The following NKAIN3 variants were observed in gnomAD, a reference collection of about 807,000 sequenced individuals.
NKAIN3 encodes the protein sodium/potassium transporting ATPase interacting 3.
NKAIN3 carries 25 observed loss-of-function variants against 30.2 expected under a neutral mutation model. That is an observed-to-expected ratio of 0.83 (90% CI 0.60 to 1.16). The LOEUF (loss-of-function observed/expected upper bound fraction) is 1.16. Ranked by LOEUF, NKAIN3 falls within the 50% of genes most tolerant of loss-of-function variation. NKAIN3 has a pLI of 0.00. For missense variants in NKAIN3, 225 were observed against 254.1 expected, an observed-to-expected ratio of 0.89 and a Z score of 0.78; for synonymous variants, 91 against 89.6, an observed-to-expected ratio of 1.02 and a Z score of -0.09.
chr8:62,682,057 A>G (rs928925824), intron 3 of NKAIN3, among the ~76,000 whole-genome samples: 1 of 152,154 alleles, frequency 6.6e-6, no homozygotes, highest in African/African-American at 2.4e-5. Context: ...TTGCTCCAAG[A>G]ACTACTGCAG....
intron 1 of NKAIN3, among the ~76,000 whole-genome samples, chr8:62,381,240 T>G (rs535532053): frequency 1.4e-4 from 22 of 152,092 alleles, no homozygotes; most frequent in Non-Finnish European, 3.1e-4. Context: ...TAGTTAAAAT[T>G]TTTACCTGTT....
intron 1 of NKAIN3, among the ~76,000 whole-genome samples, chr8:62,417,716 C>T (rs531353125): frequency 1.0e-3 from 154 of 152,188 alleles, no homozygotes; most frequent in Non-Finnish European, 1.4e-3. Context: ...ATTTCTTTGA[C>T]GATCAATGAT....
chr8:62,797,400 A>G (rs1817895748), intron 4 of NKAIN3, among the ~76,000 whole-genome samples: 1 of 152,228 alleles, frequency 6.6e-6, no homozygotes, highest in African/African-American at 2.4e-5. Context: ...TGATTCTACC[A>G]AAATCTTGCA....
intron 4 of NKAIN3, among the ~76,000 whole-genome samples, chr8:62,913,627 C>T (rs1204898162): frequency 6.6e-6 from 1 of 152,102 alleles, no homozygotes; most frequent in Non-Finnish European, 1.5e-5. Context: ...CTAATGTTCA[C>T]AAAATTTCAA....
chr8:62,342,631 T>A (rs1815790756), intron 1 of NKAIN3, among the ~76,000 whole-genome samples: 1 of 152,080 alleles, frequency 6.6e-6, no homozygotes. Context: ...GCTCTTGATG[T>A]TTCTCATCTT....
chr8:62,809,918 A>G (rs558393808), intron 4 of NKAIN3, among the ~76,000 whole-genome samples: 9 of 152,184 alleles, frequency 5.9e-5, no homozygotes, highest in African/African-American at 1.9e-4. Flanking sequence ...TAATCCCCTC[A>G]CTTATTTTTA....
At chr8:62,315,041 A>C (rs1027292960) in intron 1 of NKAIN3, among the ~76,000 whole-genome samples, 2 of 152,138 alleles carry the variant, frequency 1.3e-5, no homozygotes, top group African/African-American at 4.8e-5. Context: ...GTTTGGTATA[A>C]ATAGATTGCA....
chr8:62,345,402 CATATATGT>C lies in NKAIN3; in HGVS notation c.54+96282_54+96289del, dbSNP rs1264307700. The stretch of plus-strand genomic sequence containing the variant: ...ATATGTATATATACACACATATACA[CATATATGT>C]ATATATACACATATATACACATATA... On this transcript the variant is annotated intron_variant, in intron 1 of 6. Coordinates refer to ENST00000623646, the MANE Select transcript of NKAIN3 (RefSeq NM_001304533.3). 9.9e-5 allele frequency among the ~76,000 whole-genome samples: 8 copies of C among 81,052 alleles called. No individual in the cohort carries two copies. The South Asian group carries it at 1.7e-3, about 17-fold the overall frequency. 53.2% of individuals were successfully genotyped at this position (81,052 alleles called of 152,430 possible).
At chr8:62,924,031 A>G (rs1326797428) in intron 5 of NKAIN3, among the ~76,000 whole-genome samples, 2 of 152,208 alleles carry the variant, frequency 1.3e-5, no homozygotes, top group African/African-American at 4.8e-5. Context: ...TAGAGCCTAA[A>G]AGATTGCCTA....
intron 1 of NKAIN3, among the ~76,000 whole-genome samples, chr8:62,288,080 G>A (rs958719006): frequency 4.6e-5 from 7 of 151,986 alleles, no homozygotes; most frequent in African/African-American, 9.7e-5. Context: ...CTAACCCTCC[G>A]AGTAAAATAA....
At chr8:62,567,939 T>A (rs1355282764) in intron 1 of NKAIN3, among the ~76,000 whole-genome samples, 1 of 152,218 alleles carries the variant, frequency 6.6e-6, no homozygotes, top group Non-Finnish European at 1.5e-5. Flanking sequence ...TTCTACTTAT[T>A]GAATGCCATC....
At chr8:62,821,563 C>T (rs1342432685) in intron 4 of NKAIN3, among the ~76,000 whole-genome samples, 1 of 152,088 alleles carries the variant, frequency 6.6e-6, no homozygotes, top group Non-Finnish European at 1.5e-5. Context: ...GAAGACAATT[C>T]TGCTTCCCTT....
chr8:62,585,552 T>C (rs1160208566), intron 2 of NKAIN3, among the ~76,000 whole-genome samples: 1 of 152,112 alleles, frequency 6.6e-6, no homozygotes, highest in Non-Finnish European at 1.5e-5. Flanking sequence ...GGGATGAAAA[T>C]GTTCCACCTC....
chr8:62,797,822 G>A (rs1282097018), intron 4 of NKAIN3, among the ~76,000 whole-genome samples: 2 of 152,102 alleles, frequency 1.3e-5, no homozygotes, highest in African/African-American at 4.8e-5. Context: ...GGAGTAGAGT[G>A]AGCCCCTAAT....
intron 5 of NKAIN3, among the ~76,000 whole-genome samples, chr8:62,950,399 C>T (rs1431964461): frequency 6.6e-6 from 1 of 152,158 alleles, no homozygotes; most frequent in African/African-American, 2.4e-5. Flanking sequence ...CAAAAAGACT[C>T]ATTGCTCTAT....
chr8:62,915,950 T>A (rs1301385591), intron 4 of NKAIN3, among the ~76,000 whole-genome samples: 2 of 152,016 alleles, frequency 1.3e-5, no homozygotes, highest in Non-Finnish European at 2.9e-5. Flanking sequence ...AATATGAAAA[T>A]ACATCAGATG....
chr8:62,681,433 T>C (rs993678352), intron 3 of NKAIN3, among the ~76,000 whole-genome samples: 1 of 152,228 alleles, frequency 6.6e-6, no homozygotes, highest in African/African-American at 2.4e-5. Context: ...GATACTCAGT[T>C]AATTTTTCTT....
chr8:62,330,821 C>A (rs1815318290), intron 1 of NKAIN3, among the ~76,000 whole-genome samples: 1 of 151,964 alleles, frequency 6.6e-6, no homozygotes, highest in African/African-American at 2.4e-5. Context: ...CCTAGCCATA[C>A]CTTCTTTGCA....
intron 1 of NKAIN3, among the ~76,000 whole-genome samples, chr8:62,372,210 A>C (rs978030018): frequency 1.4e-5 from 2 of 147,118 alleles, no homozygotes; most frequent in African/African-American, 4.9e-5. Context: ...CATTTACTTA[A>C]AAAAAGAAAA....
Sources: gnomAD v4.1 joint callset for allele counts (sites outside exome capture counted in the v4.1 genomes callset) on GRCh38, gnomAD v4.1.1 for gene constraint, MANE v1.5 for transcripts, NCBI Gene and HGNC (gene_info 2026-07-23, HGNC 2026-07-21) for gene names.